The following WWOX variants were observed in gnomAD, a reference collection of about 807,000 sequenced individuals.
WWOX encodes WW domain-containing oxidoreductase.
Under a neutral mutation model 46.2 loss-of-function variants are expected in WWOX, and 69 were observed. That is an observed-to-expected ratio of 1.49 (90% CI 1.23 to 1.82). WWOX has a LOEUF of 1.82. WWOX is among the 40% of genes most tolerant of loss of function. The pLI is 0.00. For missense variants in WWOX, 919 were observed against 542.6 expected (o/e 1.69, Z -6.89); for synonymous variants, 359 against 202.6 (o/e 1.77, Z -6.56).
chr16:78,734,541 C>T (rs952988221), intron 8 of WWOX, among the ~76,000 whole-genome samples: 2 of 152,108 alleles, frequency 1.3e-5, no homozygotes, highest in East Asian at 1.9e-4. Flanking sequence ...CCTTGGACCT[C>T]ACTGAACTTG....
chr16:79,123,579 A>G (rs1424102), intron 8 of WWOX, among the ~76,000 whole-genome samples: 57,240 of 151,810 alleles, frequency 0.38, 11,625 homozygotes, highest in African/African-American at 0.52. Flanking sequence ...GAGACCCAGA[A>G]GGGTCTCATC....
intron 8 of WWOX, among the ~76,000 whole-genome samples, chr16:79,141,328 C>G (rs146814415): frequency 6.6e-6 from 1 of 152,172 alleles, no homozygotes; most frequent in Non-Finnish European, 1.5e-5. Context: ...CTCATGTCTC[C>G]CTAGAATGTG....
intron 8 of WWOX, among the ~76,000 whole-genome samples, chr16:78,968,154 CCGCGT>C (rs2046400341): frequency 6.6e-6 from 1 of 150,942 alleles, no homozygotes; most frequent in South Asian, 2.1e-4. Context: ...AGCGCGTGGT[CCGCGT>C]GGCACAGCGC....
intron 8 of WWOX, among the ~76,000 whole-genome samples, chr16:78,697,336 G>A (rs542737570): frequency 2.2e-4 from 33 of 152,096 alleles, no homozygotes; most frequent in Non-Finnish European, 4.4e-4. Context: ...ATTATTTTTT[G>A]CATTTTTGGT....
At chr16:78,116,691 C>T (rs562047547) in intron 4 of WWOX, among the ~76,000 whole-genome samples, 1 of 152,072 alleles carries the variant, frequency 6.6e-6, no homozygotes, top group African/African-American at 2.4e-5. Flanking sequence ...ATATTAAGTA[C>T]TGTTACAGTG....
At chr16:79,115,103 C>T (rs954354733) in intron 8 of WWOX, among the ~76,000 whole-genome samples, 4 of 152,210 alleles carry the variant, frequency 2.6e-5, no homozygotes, top group Non-Finnish European at 5.9e-5. Context: ...ATGCTGCCGC[C>T]TCCCACCCTG....
At chr16:78,224,438 A>G (rs1445101222) in intron 5 of WWOX, among the ~76,000 whole-genome samples, 1 of 151,384 alleles carries the variant, frequency 6.6e-6, no homozygotes, top group Non-Finnish European at 1.5e-5. Context: ...AAGAAAATGG[A>G]AGTGTTCAAG....
At chr16:78,937,859 G>T (rs1349881702) in intron 8 of WWOX, among the ~76,000 whole-genome samples, 1 of 152,024 alleles carries the variant, frequency 6.6e-6, no homozygotes, top group Non-Finnish European at 1.5e-5. Context: ...AACTCCTGAG[G>T]TCAAGCAATC....
chr16:78,927,204 C>T (rs893853689), intron 8 of WWOX, among the ~76,000 whole-genome samples: 1 of 152,190 alleles, frequency 6.6e-6, no homozygotes, highest in Non-Finnish European at 1.5e-5. Flanking sequence ...GTATGTGGTA[C>T]TCGTGAGCAG....
intron 5 of WWOX, among the ~76,000 whole-genome samples, chr16:78,170,872 A>G (rs1376452880): frequency 6.6e-6 from 1 of 152,254 alleles, no homozygotes; most frequent in Non-Finnish European, 1.5e-5. Flanking sequence ...AGCCAGAGGT[A>G]ATGGAATGTG....
intron 4 of WWOX, among the ~76,000 whole-genome samples, chr16:78,155,566 T>A (rs962603984): frequency 1.3e-5 from 2 of 152,250 alleles, no homozygotes; most frequent in Non-Finnish European, 2.9e-5. Context: ...CTGATGCTGT[T>A]CATTGCTTTA....
intron 8 of WWOX, among the ~76,000 whole-genome samples, chr16:78,788,027 A>G (rs867607936): frequency 6.6e-6 from 1 of 152,146 alleles, no homozygotes; most frequent in Non-Finnish European, 1.5e-5. Flanking sequence ...AAAGTTGTTT[A>G]TATATTTTGG....
At chr16:78,621,461 C>G (rs1035119968) in intron 8 of WWOX, among the ~76,000 whole-genome samples, 2 of 151,690 alleles carry the variant, frequency 1.3e-5, no homozygotes, top group Non-Finnish European at 2.9e-5. Context: ...TTTTCTTCTT[C>G]CAGTTGCATC....
At chr16:78,956,616 G>A (rs376307297) in intron 8 of WWOX, among the ~76,000 whole-genome samples, 2 of 151,440 alleles carry the variant, frequency 1.3e-5, no homozygotes, top group Non-Finnish European at 2.9e-5. Flanking sequence ...ATCATATCAT[G>A]TCATATCATA....
At chr16:78,286,483 A>G (rs1333772643) in intron 5 of WWOX, among the ~76,000 whole-genome samples, 1 of 152,244 alleles carries the variant, frequency 6.6e-6, no homozygotes, top group Non-Finnish European at 1.5e-5. Context: ...AACATGCGAT[A>G]AAAATTACAT....
At chr16:79,026,784 ATTT>A (rs11373534) in intron 8 of WWOX, among the ~76,000 whole-genome samples, 1 of 123,260 alleles carries the variant, frequency 8.1e-6, no homozygotes. Context: ...CGCCCGGCTA[ATTT>A]TTTTTTTTTT....
In WWOX at chr16:78,844,789, C is replaced by G. The variant is rs534662460; in HGVS notation, c.1057-366819C>G. 9.2e-5 allele frequency among the ~76,000 whole-genome samples: 14 copies of G among 152,230 alleles called. No homozygotes were observed. In the East Asian group the frequency reaches 2.1e-3, roughly 23 times the overall value. Reference sequence around the variant, plus strand: ...TTTTAGTCTTGTATATTTATGTATCCCCGGCCAGAGTTGGCTGGGGCACAG... The same window carrying G: ...TTTTAGTCTTGTATATTTATGTATCGCCGGCCAGAGTTGGCTGGGGCACAG... On this transcript the variant is annotated intron_variant, in intron 8 of 8. Coordinates refer to ENST00000566780, the MANE Select transcript of WWOX (RefSeq NM_016373.4).
chr16:78,491,343 T>C (rs1266780915), intron 8 of WWOX, among the ~76,000 whole-genome samples: 2 of 152,346 alleles, frequency 1.3e-5, no homozygotes, highest in African/African-American at 2.4e-5. Flanking sequence ...CCAAGTTTTA[T>C]TCCCTGTTTA....
intron 8 of WWOX, among the ~76,000 whole-genome samples, chr16:78,436,928 G>C (rs1020087689): frequency 6.6e-6 from 1 of 152,222 alleles, no homozygotes; most frequent in Non-Finnish European, 1.5e-5. Flanking sequence ...AAGCCACGCA[G>C]TTGCATCCCA....
Sources: allele counts gnomAD v4.1 joint callset (sites outside exome capture counted in the v4.1 genomes callset), GRCh38; gene constraint gnomAD v4.1.1; transcripts MANE v1.5; gene names NCBI Gene and HGNC (gene_info 2026-07-23, HGNC 2026-07-21).